LUZP2: variants seen among roughly 807,000 people sequenced by gnomAD.
LUZP2 encodes the protein leucine zipper protein 2.
LUZP2 carries 52 observed loss-of-function variants against 51.6 expected under a neutral mutation model. The ratio of observed to expected loss-of-function variants is 1.01; its 90% CI spans 0.81 to 1.27. LUZP2 has a LOEUF of 1.27. Ranked by LOEUF, LUZP2 falls within the 50% of genes most tolerant of loss-of-function variation. LUZP2 has a pLI of 0.00. For synonymous variants in LUZP2, 154 were observed against 137.3 expected (o/e 1.12, Z -0.85); for missense variants, 436 against 395.4 (o/e 1.10, Z -0.87).
intron 5 of LUZP2, among the ~76,000 whole-genome samples, chr11:24,831,234 C>A (rs1850694078): frequency 6.6e-6 from 1 of 152,134 alleles, no homozygotes; most frequent in Admixed American, 6.5e-5. Context: ...TCTCTTGTTC[C>A]ATTGGAGCAC....
At chr11:24,635,650 A>C (rs1277851998) in intron 1 of LUZP2, among the ~76,000 whole-genome samples, 2 of 152,154 alleles carry the variant, frequency 1.3e-5, no homozygotes, top group Admixed American at 6.6e-5. Flanking sequence ...TGTCTTCTAT[A>C]AAACAACTGA....
rs1851167500 is a variant in LUZP2, at chr11:24,536,043, G to A, written c.62+38738G>A. On this transcript the variant is annotated intron_variant, in intron 1 of 11. Transcript: ENST00000336930. Reference sequence around the variant, plus strand: ...ATCAGAGTTCTTGGGTGACCAGGCAGTAATATTTTGCAAGAAATCTTTTGT... The same window carrying A: ...ATCAGAGTTCTTGGGTGACCAGGCAATAATATTTTGCAAGAAATCTTTTGT... Among the ~76,000 whole-genome samples, 6 of 151,688 alleles carry A rather than the reference G, an allele frequency of 4.0e-5. No homozygotes were observed. In the Admixed American group the frequency reaches 4.0e-4, roughly 10 times the overall value.
Position 24,602,176 on chromosome 11 carries a change from ATG to A in LUZP2, c.62+104875_62+104876del, listed in dbSNP as rs1233806867. Among the ~76,000 whole-genome samples, 12 of 137,998 alleles carry A rather than the reference ATG, an allele frequency of 8.7e-5. 1 individual carries two copies. Among genetic ancestry groups the A allele is most frequent in the South Asian group, 2.2e-4 (1 of 4,538 alleles). The allele number at this position is 137,998 out of a possible 152,430, so 90.5% of individuals were successfully genotyped here. ...TATATATGTATATATGTGTATATATATGTGTATATATGTATATATGTACATAT... is the reference window on the plus strand; with the variant it reads ...TATATATGTATATATGTGTATATATATGTATATATGTATATATGTACATAT... On this transcript the variant is annotated intron_variant, in intron 1 of 11. Transcript: ENST00000336930.
chr11:24,915,259 C>A (rs149451823), intron 7 of LUZP2, among the ~76,000 whole-genome samples: 1 of 152,198 alleles, frequency 6.6e-6, no homozygotes, highest in Admixed American at 6.5e-5. Flanking sequence ...TATTTCATAG[C>A]TCAACAGTGT....
chr11:24,529,219 T>G (rs747167803), intron 1 of LUZP2, among the ~76,000 whole-genome samples: 7 of 151,194 alleles, frequency 4.6e-5, no homozygotes, highest in Non-Finnish European at 8.9e-5. Context: ...TCATTTTGTC[T>G]TTATACAAAA....
intron 5 of LUZP2, among the ~76,000 whole-genome samples, chr11:24,858,476 C>T (rs1405580757): frequency 1.3e-5 from 2 of 152,116 alleles, no homozygotes; most frequent in South Asian, 4.1e-4. Context: ...AGTTTCTAAG[C>T]AGCTGCTAAC....
intron 4 of LUZP2, among the ~76,000 whole-genome samples, chr11:24,748,981 A>T (rs1454213589): frequency 6.6e-6 from 1 of 152,150 alleles, no homozygotes; most frequent in Non-Finnish European, 1.5e-5. Flanking sequence ...ATAATTTGTA[A>T]CCCTTCAATT....
intron 9 of LUZP2, among the ~76,000 whole-genome samples, chr11:25,023,846 T>C (rs570631854): frequency 2.6e-5 from 4 of 152,320 alleles, no homozygotes; most frequent in African/African-American, 7.2e-5. Context: ...TTTGTTCTCA[T>C]TGGTTACAAA....
At chr11:24,668,264 C>A (rs1856282550) in intron 1 of LUZP2, among the ~76,000 whole-genome samples, 1 of 152,156 alleles carries the variant, frequency 6.6e-6, no homozygotes, top group African/African-American at 2.4e-5. Flanking sequence ...ATCTCCAACA[C>A]TGAAGCATAA....
chr11:24,866,727 T>G (rs1208362021), intron 5 of LUZP2, among the ~76,000 whole-genome samples: 1 of 152,200 alleles, frequency 6.6e-6, no homozygotes, highest in Non-Finnish European at 1.5e-5. Context: ...GAAAGTTGTT[T>G]GGGACTTTGA....
At chr11:24,756,414 C>G (rs1229096352) in intron 4 of LUZP2, among the ~76,000 whole-genome samples, 1 of 152,218 alleles carries the variant, frequency 6.6e-6, no homozygotes, top group Non-Finnish European at 1.5e-5. Context: ...GTTTGCATTT[C>G]CCTGTGCATC....
Position 24,922,825 on chromosome 11 carries a change from C to CTTTTTT in LUZP2, c.522+8293_522+8298dup, listed in dbSNP as rs1277388215. 5.2e-4 allele frequency among the ~76,000 whole-genome samples: 23 copies of CTTTTTT among 44,622 alleles called. 4 individuals are homozygous for CTTTTTT. The highest frequency in any genetic ancestry group is 3.7e-3 in the East Asian group (3 of 800). 29.3% of individuals were successfully genotyped at this position (44,622 alleles called of 152,430 possible). On this transcript the variant is annotated intron_variant, in intron 7 of 11. Coordinates refer to ENST00000336930, the MANE Select transcript of LUZP2 (RefSeq NM_001009909.4). ...GGACTACCAAGTGGCACAGTTATAT[C>CTTTTTT]TTTTTTTTTTTCTTTTTTTTTTTTT...
chr11:24,879,305 A>T (rs1280131876), intron 5 of LUZP2, among the ~76,000 whole-genome samples: 1 of 152,074 alleles, frequency 6.6e-6, no homozygotes, highest in Non-Finnish European at 1.5e-5. Flanking sequence ...CATTTTCTTT[A>T]TCCAGTCTAT....
chr11:24,535,874 C>A (rs1851161411), intron 1 of LUZP2, among the ~76,000 whole-genome samples: 1 of 151,826 alleles, frequency 6.6e-6, no homozygotes, highest in Admixed American at 6.6e-5. Context: ...AGAGGAATCA[C>A]TGTCTATGGC....
chr11:24,630,004 T>A (rs1854823604), intron 1 of LUZP2, among the ~76,000 whole-genome samples: 1 of 140,246 alleles, frequency 7.1e-6, no homozygotes, highest in Admixed American at 6.8e-5. Flanking sequence ...TTTTGAAAAA[T>A]GTCTATTTTT....
chr11:24,899,247 A>G (rs1853193411), intron 5 of LUZP2, among the ~76,000 whole-genome samples: 3 of 152,074 alleles, frequency 2.0e-5, no homozygotes, highest in Admixed American at 2.0e-4. Context: ...CTTCAGATTT[A>G]TTATATATCT....
chr11:24,773,561 G>C (rs1848815743), intron 5 of LUZP2, among the ~76,000 whole-genome samples: 2 of 152,052 alleles, frequency 1.3e-5, no homozygotes, highest in Middle Eastern at 3.4e-3. Context: ...CTGTTCAAAA[G>C]AATGAGCCAT....
At chr11:24,888,698 C>T (rs780638353) in intron 5 of LUZP2, among the ~76,000 whole-genome samples, 1 of 152,078 alleles carries the variant, frequency 6.6e-6, no homozygotes, top group Non-Finnish European at 1.5e-5. Flanking sequence ...TGTGTCCCCC[C>T]ACAAATCTCA....
intron 1 of LUZP2, among the ~76,000 whole-genome samples, chr11:24,662,030 G>A (rs1251241354): frequency 2.0e-5 from 3 of 151,982 alleles, no homozygotes; most frequent in African/African-American, 7.2e-5. Context: ...AGTAAAGTGA[G>A]ACAATGCCAC....
Sources: gnomAD v4.1 joint callset for allele counts (sites outside exome capture counted in the v4.1 genomes callset) on GRCh38, gnomAD v4.1.1 for gene constraint, MANE v1.5 for transcripts, NCBI Gene and HGNC (gene_info 2026-07-23, HGNC 2026-07-21) for gene names.